GRM7: variants seen among roughly 807,000 people sequenced by gnomAD.
GRM7 encodes glutamate metabotropic receptor 7.
GRM7 carries 35 observed loss-of-function variants against 84.5 expected under a neutral mutation model. That is an observed-to-expected ratio of 0.41 (90% CI 0.32 to 0.55). The LOEUF (loss-of-function observed/expected upper bound fraction) is 0.55. Among genes scored for constraint, GRM7 ranks in the 20% least tolerant of loss-of-function variants. The pLI is 0.19. For synonymous variants in GRM7, 487 were observed against 455.1 expected, an observed-to-expected ratio of 1.07 and a Z score of -0.89; for missense variants, 1,003 against 1,194.6, an observed-to-expected ratio of 0.84 and a Z score of 2.36.
intron 1 of GRM7, among the ~76,000 whole-genome samples, chr3:7,108,707 C>G (rs1692740984): frequency 6.6e-6 from 1 of 151,980 alleles, no homozygotes; most frequent in East Asian, 1.9e-4. Flanking sequence ...CTACTTCGGG[C>G]AAGTAAGTAG....
intron 7 of GRM7, among the ~76,000 whole-genome samples, chr3:7,512,036 T>A (rs1472352597): frequency 1.3e-5 from 2 of 152,024 alleles, no homozygotes; most frequent in African/African-American, 4.8e-5. Flanking sequence ...TCCCAGCTAC[T>A]TGGAAGTCTG....
At chr3:7,602,080 CAAA>C (rs562646639) in intron 8 of GRM7, among the ~76,000 whole-genome samples, 2,177 of 93,754 alleles carry the variant, frequency 0.023, 12 homozygotes, top group African/African-American at 0.064. Context: ...ATTACCAGGA[CAAA>C]AAAAAAAAAA....
At chr3:7,593,093 A>G (rs1448390038) in intron 8 of GRM7, among the ~76,000 whole-genome samples, 1 of 152,222 alleles carries the variant, frequency 6.6e-6, no homozygotes, top group Admixed American at 6.5e-5. Flanking sequence ...GCATCCTTCT[A>G]TACAGCACTG....
chr3:7,368,178 A>G (rs895008270), intron 4 of GRM7, among the ~76,000 whole-genome samples: 1 of 151,856 alleles, frequency 6.6e-6, no homozygotes, highest in Non-Finnish European at 1.5e-5. Flanking sequence ...ATTGGTTTAC[A>G]AAGACTACAA....
intron 1 of GRM7, among the ~76,000 whole-genome samples, chr3:7,051,041 A>G (rs977741317): frequency 1.5e-4 from 23 of 151,958 alleles, no homozygotes; most frequent in Admixed American, 6.6e-4. Context: ...AATATGTATT[A>G]TACTATATTT....
chr3:7,161,829 A>G (rs936191264), intron 2 of GRM7, among the ~76,000 whole-genome samples: 1 of 152,202 alleles, frequency 6.6e-6, no homozygotes, highest in African/African-American at 2.4e-5. Context: ...AAATAACCAT[A>G]TAGCGTTAGG....
chr3:7,592,513 G>A (rs1695842817), intron 8 of GRM7, among the ~76,000 whole-genome samples: 2 of 152,172 alleles, frequency 1.3e-5, no homozygotes, highest in African/African-American at 4.8e-5. Flanking sequence ...TAGGAGATGA[G>A]CCTGGAGGAC....
At chr3:7,265,895 TA>T (rs1266452245) in intron 2 of GRM7, among the ~76,000 whole-genome samples, 9 of 152,138 alleles carry the variant, frequency 5.9e-5, no homozygotes, top group African/African-American at 4.8e-5. Context: ...TTAATCCTCC[TA>T]AGTGTCCTGG....
intron 5 of GRM7, among the ~76,000 whole-genome samples, chr3:7,435,652 ACAG>A (rs1697014772): frequency 6.8e-6 from 1 of 146,616 alleles, no homozygotes; most frequent in Non-Finnish European, 1.5e-5. Flanking sequence ...AGCTAGGATT[ACAG>A]GCCCTTGCCA....
At chr3:7,390,005 T>G (rs766915565) in intron 4 of GRM7, among the ~76,000 whole-genome samples, 16 of 152,152 alleles carry the variant, frequency 1.1e-4, no homozygotes, top group Non-Finnish European at 2.2e-4. Flanking sequence ...TTTTACATTT[T>G]CATGTTTATA....
chr3:7,568,238 A>G lies in GRM7; in HGVS notation c.1516-10184A>G, dbSNP rs1019726064. ...TTGTGTACTCTCAATAGTGCATCAC[A>G]ATATCAAGAATTAAAGACAAGATGT... On this transcript the variant is annotated intron_variant, in intron 7 of 9. Coordinates refer to ENST00000357716, the MANE Select transcript of GRM7 (RefSeq NM_000844.4). Among the ~76,000 whole-genome samples, 3 of 151,744 alleles carry G rather than the reference A, an allele frequency of 2.0e-5. No homozygotes were observed. The East Asian group carries it at 5.8e-4, about 29-fold the overall frequency.
At position 7,385,500 on chromosome 3, in the gene GRM7, C is replaced by A. The variant is rs138549741; in HGVS notation, c.1034-29523C>A. Among the ~76,000 whole-genome samples the A allele has an allele frequency of 3.0e-3, 458 of 151,916 alleles. 4 individuals are homozygous for A. The highest frequency in any genetic ancestry group is 0.025 in the South Asian group (119 of 4,806). ...TATTGCTAGTAGAGACAGGGTTTCA[C>A]CATGTTATGCAGGATGGTCTCGATC... On this transcript the variant is annotated intron_variant, in intron 4 of 9. Coordinates refer to ENST00000357716, the MANE Select transcript of GRM7 (RefSeq NM_000844.4).
intron 9 of GRM7, among the ~76,000 whole-genome samples, chr3:7,702,076 C>T (rs931614448): frequency 1.3e-5 from 2 of 152,280 alleles, no homozygotes; most frequent in Non-Finnish European, 2.9e-5. Context: ...TTCCTACTTT[C>T]CTTCTTCAAC....
chr3:7,288,760 A>G (rs1031339038), intron 2 of GRM7, among the ~76,000 whole-genome samples: 2 of 152,054 alleles, frequency 1.3e-5, no homozygotes, highest in African/African-American at 4.8e-5. Flanking sequence ...TTTTAAAACT[A>G]CTGTGGTATA....
At chr3:7,195,799 C>T (rs1181380333) in intron 2 of GRM7, among the ~76,000 whole-genome samples, 1 of 152,092 alleles carries the variant, frequency 6.6e-6, no homozygotes, top group African/African-American at 2.4e-5. Context: ...AATATAAGAA[C>T]TAAATACATA....
chr3:7,573,265 AG>A (rs1023924863), intron 7 of GRM7, among the ~76,000 whole-genome samples: 18 of 151,662 alleles, frequency 1.2e-4, no homozygotes, highest in African/African-American at 4.4e-4. Flanking sequence ...TAATAAAAAA[AG>A]TTCTTTTTTT....
intron 8 of GRM7, among the ~76,000 whole-genome samples, chr3:7,589,581 A>G (rs1395484153): frequency 6.6e-6 from 1 of 152,182 alleles, no homozygotes; most frequent in Non-Finnish European, 1.5e-5. Context: ...ATGGCCGTGT[A>G]AGAGGAGACG....
At chr3:7,199,275 G>A (rs1230386986) in intron 2 of GRM7, among the ~76,000 whole-genome samples, 2 of 152,210 alleles carry the variant, frequency 1.3e-5, no homozygotes, top group South Asian at 2.1e-4. Flanking sequence ...GCTGAGACAT[G>A]ACATGGATGA....
At chr3:7,601,940 T>G (rs1696333401) in intron 8 of GRM7, among the ~76,000 whole-genome samples, 1 of 152,038 alleles carries the variant, frequency 6.6e-6, no homozygotes, top group Non-Finnish European at 1.5e-5. Context: ...TGTCCATCTC[T>G]GCAGCCGAGG....
Sources: gnomAD v4.1 joint callset for allele counts (sites outside exome capture counted in the v4.1 genomes callset) on GRCh38, gnomAD v4.1.1 for gene constraint, MANE v1.5 for transcripts, NCBI Gene and HGNC (gene_info 2026-07-23, HGNC 2026-07-21) for gene names.